The following LSM12 variants were observed in gnomAD, a reference collection of about 807,000 sequenced individuals.
The protein encoded by LSM12 is protein LSM12.
For synonymous variants in LSM12, 74 were observed against 87.3 expected (o/e 0.85, Z 0.85); for missense variants, 108 against 238.9 (o/e 0.45, Z 3.61).
chr17:44,066,201 C>G (rs893099031), intron 1 of LSM12, among the ~76,000 whole-genome samples: 2 of 151,936 alleles, frequency 1.3e-5, no homozygotes, highest in African/African-American at 2.4e-5. Flanking sequence ...AAAAGCCATC[C>G]CCGTGTCAAG....
At chr17:44,048,016 TAA>T (rs1491323602) in intron 2 of LSM12, among the ~76,000 whole-genome samples, 6 of 86,600 alleles carry the variant, frequency 6.9e-5, no homozygotes, top group African/African-American at 2.6e-4. Flanking sequence ...GTGTCCGTAT[TAA>T]ACACACACAC....
At chr17:44,058,250 TAAATAATAA>T (rs1051761210) in intron 2 of LSM12, among the ~76,000 whole-genome samples, 1 of 150,538 alleles carries the variant, frequency 6.6e-6, no homozygotes, top group African/African-American at 2.4e-5. Flanking sequence ...AAAAAAATAA[TAAATAATAA>T]TAATAATAAT....
At chr17:44,038,433 C>T (rs572086074) in intron 3 of LSM12, among the ~76,000 whole-genome samples, 20 of 151,034 alleles carry the variant, frequency 1.3e-4, no homozygotes, top group African/African-American at 4.6e-4. Context: ...CCGAAGTGGG[C>T]GGATCATGAG....
intron 2 of LSM12, among the ~76,000 whole-genome samples, chr17:44,055,112 A>G (rs904837254): frequency 2.6e-5 from 4 of 152,070 alleles, no homozygotes; most frequent in Non-Finnish European, 5.9e-5. Flanking sequence ...GGCCTCCCAA[A>G]GTGCTGGGAT....
intron 2 of LSM12, among the ~76,000 whole-genome samples, chr17:44,057,228 C>T (rs1406529141): frequency 6.1e-5 from 9 of 147,782 alleles, no homozygotes; most frequent in Non-Finnish European, 9.0e-5. Flanking sequence ...CAGCTCACTG[C>T]AAGCTCCGCC....
At chr17:44,059,464 C>T (rs184332688) in intron 2 of LSM12, among the ~76,000 whole-genome samples, 1 of 151,952 alleles carries the variant, frequency 6.6e-6, no homozygotes, top group East Asian at 1.9e-4. Context: ...TGGCAGCAGG[C>T]GCCTGTAATC....
At chr17:44,057,538 GATC>G (rs1357362722) in intron 2 of LSM12, among the ~76,000 whole-genome samples, 1 of 150,864 alleles carries the variant, frequency 6.6e-6, no homozygotes, top group Non-Finnish European at 1.5e-5. Flanking sequence ...GAGGTGGGCG[GATC>G]ATGAGGTCAG....
chr17:44,038,375 A>G (rs1047310178), intron 3 of LSM12, among the ~76,000 whole-genome samples: 5 of 150,362 alleles, frequency 3.3e-5, no homozygotes, highest in Admixed American at 2.0e-4. Context: ...AAAAAAAAAG[A>G]AAGGCCAGGC....
rs181285088 is a variant in LSM12 at position 44,052,766 on chromosome 17, A to T, written c.258+11035T>A. 4.0e-3 allele frequency among the ~76,000 whole-genome samples: 605 copies of T among 150,868 alleles called. 13 individuals are homozygous for T. The highest frequency in any genetic ancestry group is 0.03 in the Admixed American group (451 of 15,094). ...AAGAGCGAAACTCTGTCTTAAAAAA[A>T]ATATATATTTATATAAATAAATAAT... On this transcript the variant is annotated intron_variant, in intron 2 of 4. Coordinates refer to ENST00000293406, the MANE Select transcript of LSM12 (RefSeq NM_001371445.1).
chr17:44,050,248 T>G (rs2049625069), intron 2 of LSM12, among the ~76,000 whole-genome samples: 1 of 151,108 alleles, frequency 6.6e-6, no homozygotes, highest in Non-Finnish European at 1.5e-5. Flanking sequence ...TACAGACATG[T>G]GGACACCATG....
chr17:44,055,957 A>C (rs2144102085), intron 2 of LSM12, among the ~76,000 whole-genome samples: 1 of 151,712 alleles, frequency 6.6e-6, no homozygotes, highest in East Asian at 1.9e-4. Flanking sequence ...TTCTTCCCTC[A>C]ATGTGACATG....
At chr17:44,059,239 G>C (rs1218107960) in intron 2 of LSM12, among the ~76,000 whole-genome samples, 1 of 152,042 alleles carries the variant, frequency 6.6e-6, no homozygotes, top group East Asian at 1.9e-4. Context: ...CATTATTCAG[G>C]GTACTTCATG....
intron 1 of LSM12, 128 bp from the exon 2 acceptor site, chr17:44,064,062 T>A: frequency 1.0e-6 from 1 of 995,630 alleles, no homozygotes; most frequent in Non-Finnish European, 1.5e-6. Flanking sequence ...GAGGGCCTTA[T>A]AAGAATCACG....
At chr17:44,063,986 C>CA in intron 1 of LSM12, 52 bp from the exon 2 acceptor site, 1 of 1,593,504 alleles carries the variant, frequency 6.3e-7, no homozygotes, top group South Asian at 1.1e-5. Flanking sequence ...GAGGCACTGA[C>CA]ACATCCCAAA....
intron 2 of LSM12, among the ~76,000 whole-genome samples, chr17:44,061,240 C>T (rs1007988788): frequency 2.0e-5 from 3 of 151,562 alleles, no homozygotes; most frequent in Non-Finnish European, 2.9e-5. Flanking sequence ...TCACTTGAAC[C>T]CGGGAGGCGG....
intron 2 of LSM12, among the ~76,000 whole-genome samples, chr17:44,046,754 T>G (rs1289549633): frequency 6.8e-5 from 8 of 118,102 alleles, no homozygotes; most frequent in Non-Finnish European, 1.0e-4. Context: ...TTTCTTTTTT[T>G]TTTTCTTTTT....
intron 2 of LSM12, 114 bp downstream of exon 2, chr17:44,063,686 AC>A: frequency 8.2e-7 from 1 of 1,215,214 alleles, no homozygotes; most frequent in Non-Finnish European, 1.1e-6. Context: ...ATCAGAACAA[AC>A]AATTTTAAGT....
rs71160079 is a variant in LSM12, at chr17:44,035,677, C to CAAAAAAAAAA, written c.*521_*530dup. ...AAACTAATTCAAGCCATGCCCTGTG[C>CAAAAAAAAAA]AAAAAAAAAAAAAAAAAGAAAAAAG... On this transcript the variant is annotated 3_prime_UTR_variant, in exon 5 of 5. Transcript: ENST00000293406. 4 of 58,064 alleles carry CAAAAAAAAAA rather than the reference C, an allele frequency of 6.9e-5. No individual in the cohort carries two copies. The highest frequency in any genetic ancestry group is 2.2e-4 in the African/African-American group (3 of 13,896). 3.6% of individuals were successfully genotyped at this position (58,064 alleles called of 1,614,324 possible).
At chr17:44,065,145 C>CAA (rs143594392) in intron 1 of LSM12, among the ~76,000 whole-genome samples, 2 of 133,900 alleles carry the variant, frequency 1.5e-5, no homozygotes, top group South Asian at 4.8e-4. Flanking sequence ...AAAAACACAA[C>CAA]AAAAAAAAAA....
Sources: gnomAD v4.1 joint callset for allele counts (sites outside exome capture counted in the v4.1 genomes callset) on GRCh38, gnomAD v4.1.1 for gene constraint, MANE v1.5 for transcripts, NCBI Gene and HGNC (gene_info 2026-07-23, HGNC 2026-07-21) for gene names.